Variants in DENND4A observed in about 807,000 individuals in gnomAD.
DENND4A encodes the protein DENN domain containing 4A, also known as C-myc promoter-binding protein.
A neutral mutation model predicts 199.3 loss-of-function variants in DENND4A; 70 were observed. That is an observed-to-expected ratio of 0.35 (90% CI 0.29 to 0.43). The LOEUF is 0.43. Ranked by LOEUF, DENND4A falls within the 20% of genes least tolerant of loss-of-function variation. DENND4A has a pLI of 1.00. For synonymous variants in DENND4A, 686 were observed against 766.9 expected (o/e 0.89, Z 1.74); for missense variants, 1,723 against 2,255.8 (o/e 0.76, Z 4.78).
chr15:65,734,496 C>T (rs1398136588), intron 7 of DENND4A, among the ~76,000 whole-genome samples: 7 of 152,130 alleles, frequency 4.6e-5, no homozygotes, highest in Non-Finnish European at 7.4e-5. Context: ...ATATGCTGAA[C>T]GCTGGTTCCC....
At chr15:65,767,650 A>G (rs2077021328) in intron 1 of DENND4A, among the ~76,000 whole-genome samples, 1 of 152,220 alleles carries the variant, frequency 6.6e-6, no homozygotes, top group African/African-American at 2.4e-5. Flanking sequence ...ATTATCGAGT[A>G]CCATGGGATG....
At chr15:65,782,643 T>C (rs1458920364) in intron 1 of DENND4A, among the ~76,000 whole-genome samples, 1 of 151,738 alleles carries the variant, frequency 6.6e-6, no homozygotes, top group African/African-American at 2.4e-5. Flanking sequence ...CACATACACA[T>C]ACCCTGAAAA....
chr15:65,745,116 A>C (rs535149743), intron 4 of DENND4A, among the ~76,000 whole-genome samples: 2 of 152,338 alleles, frequency 1.3e-5, no homozygotes, highest in South Asian at 4.1e-4. Flanking sequence ...AAATAGCACT[A>C]TATGATCATT....
At chr15:65,728,515 C>G (rs1414240675) in intron 11 of DENND4A, among the ~76,000 whole-genome samples, 1 of 146,002 alleles carries the variant, frequency 6.8e-6, no homozygotes, top group East Asian at 2.0e-4. Flanking sequence ...CAGAGTTTCA[C>G]TGTTGTTGCC....
At chr15:65,726,753 C>T (rs189324140) in intron 11 of DENND4A, among the ~76,000 whole-genome samples, 9 of 152,018 alleles carry the variant, frequency 5.9e-5, no homozygotes, top group African/African-American at 1.9e-4. Context: ...GCCAGGAGTT[C>T]GAGACCAGCC....
chr15:65,772,496 C>A (rs1479049669), intron 1 of DENND4A, among the ~76,000 whole-genome samples: 1 of 151,912 alleles, frequency 6.6e-6, no homozygotes, highest in Non-Finnish European at 1.5e-5. Context: ...ACCATGACGT[C>A]AGGAGTTTGA....
chr15:65,666,373 AATG>A (rs2076038523), intron 29 of DENND4A, among the ~76,000 whole-genome samples: 1 of 152,188 alleles, frequency 6.6e-6, no homozygotes, highest in Non-Finnish European at 1.5e-5. Flanking sequence ...ATGGCTACTC[AATG>A]ATTAACAAGC....
chr15:65,692,556 C>T (rs60702456), intron 22 of DENND4A, among the ~76,000 whole-genome samples: 121 of 152,206 alleles, frequency 7.9e-4, no homozygotes, highest in African/African-American at 2.8e-3. Flanking sequence ...ATGCAAATGG[C>T]AGGGCAAGAG....
At position 65,665,456 on chromosome 15, in the gene DENND4A, G is replaced by A. The variant is rs779019250; in HGVS notation, c.5248C>T (p.Arg1750Cys). ...TTGCTATCTTCAGACATACAGTGGC[G>A]GGGAATCTGTGTTATACAATAAACA... is the stretch of plus-strand genomic sequence containing the variant. ...EHCNKYSKIP[R>C]HCMSEDSKYV... Residue 1750 changes from arginine to cysteine, a missense_variant, in exon 30 of 33, where the codon CGC (arginine) becomes TGC (cysteine). Around this residue, in one of 6 missense-constraint regions of DENND4A, gnomAD observed 164 missense variants for 280.1 expected, o/e 0.59. Transcript: ENST00000443035. 6.8e-6 allele frequency: 11 copies of A among 1,609,840 alleles called. No homozygotes were observed. Among genetic ancestry groups the A allele is most frequent in the Non-Finnish European group, 9.3e-6 (11 of 1,177,206 alleles).
Position 65,710,926 on chromosome 15 carries a change from G to A in DENND4A, c.1953+4552C>T, listed in dbSNP as rs999123034. Among the ~76,000 whole-genome samples, 4 of 152,176 alleles carry A rather than the reference G, an allele frequency of 2.6e-5. No homozygotes were observed. In the East Asian group the frequency reaches 5.8e-4, roughly 22 times the overall value. On this transcript the variant is annotated intron_variant, in intron 14 of 32. Coordinates refer to ENST00000443035, the MANE Select transcript of DENND4A (RefSeq NM_001320835.1). The stretch of plus-strand genomic sequence containing the variant: ...CATGTTGGCTCCCTAGTGGCTCCCC[G>A]TGGCTTTCTGCCATAACTGTAGGTT...
At chr15:65,791,566 G>A (rs1367846983) in intron 1 of DENND4A, among the ~76,000 whole-genome samples, 9 of 151,956 alleles carry the variant, frequency 5.9e-5, no homozygotes, top group African/African-American at 2.2e-4. Context: ...ACCCTGGGAG[G>A]AAAAGTGGGC....
rs1332577333 is a variant in DENND4A, at chr15:65,709,626, G to A, written c.1954-3402C>T. 5.5e-5 allele frequency among the ~76,000 whole-genome samples: 8 copies of A among 145,176 alleles called. No individual in the cohort carries two copies. In the East Asian group the frequency reaches 1.0e-3, roughly 19 times the overall value. ...GGAGAACTGCTTGAACCCAGGAGAC[G>A]GAGGTTGCGGTGAGCCAAGATCATG... On this transcript the variant is annotated intron_variant, in intron 14 of 32. Coordinates refer to ENST00000443035, the MANE Select transcript of DENND4A (RefSeq NM_001320835.1).
At chr15:65,734,853 G>A (rs2076066700) in intron 7 of DENND4A, among the ~76,000 whole-genome samples, 1 of 152,062 alleles carries the variant, frequency 6.6e-6, no homozygotes, top group Non-Finnish European at 1.5e-5. Flanking sequence ...AGGCTGAGGC[G>A]AGTGAATTGA....
chr15:65,791,453 CA>C (rs1450473004), intron 1 of DENND4A, among the ~76,000 whole-genome samples: 3 of 150,700 alleles, frequency 2.0e-5, no homozygotes, highest in Non-Finnish European at 4.4e-5. Context: ...TCCCTTCCCC[CA>C]CCACACACCC....
At chr15:65,727,396 T>G (rs1279507807) in intron 11 of DENND4A, among the ~76,000 whole-genome samples, 1 of 145,692 alleles carries the variant, frequency 6.9e-6, no homozygotes, top group African/African-American at 2.6e-5. Context: ...GAGCTTACAT[T>G]GAGCTGAGAT....
intron 15 of DENND4A, among the ~76,000 whole-genome samples, chr15:65,704,644 G>A (rs906344397): frequency 2.6e-5 from 4 of 152,220 alleles, no homozygotes; most frequent in Admixed American, 1.3e-4. Context: ...AGGCTGGAGT[G>A]CAGTGGCACG....
chr15:65,783,786 G>A (rs1336570212), intron 1 of DENND4A, among the ~76,000 whole-genome samples: 1 of 152,090 alleles, frequency 6.6e-6, no homozygotes, highest in Non-Finnish European at 1.5e-5. Context: ...AACCATCTAT[G>A]AGTCCATACA....
chr15:65,674,883 G>A (rs1435920421), intron 24 of DENND4A, among the ~76,000 whole-genome samples: 1 of 152,154 alleles, frequency 6.6e-6, no homozygotes, highest in Non-Finnish European at 1.5e-5. Flanking sequence ...CATTGAGGAA[G>A]GAGAAAACGT....
Position 65,792,201 on chromosome 15 carries a change from G to C in DENND4A, c.-293C>G, listed in dbSNP as rs1437544404. ...CCCAGGCCTGCCGTCTCAGTCAGAC[G>C]GGACTCCCCCTCCCCTCGCGGCCGC... On this transcript the variant is annotated 5_prime_UTR_variant, in exon 1 of 33. Transcript: ENST00000443035. The C allele has an allele frequency of 2.2e-5, 3 of 137,674 alleles. No individual in the cohort carries two copies. The highest frequency in any genetic ancestry group is 3.1e-5 in the Non-Finnish European group (2 of 63,792). The allele number at this position is 137,674 out of a possible 1,614,324, so 8.5% of individuals were successfully genotyped here.
Sources: gnomAD v4.1 joint callset for allele counts (sites outside exome capture counted in the v4.1 genomes callset) on GRCh38, gnomAD v4.1.1 for gene constraint, gnomAD v4.1.1 regional missense constraint, MANE v1.5 for transcripts, NCBI Gene and HGNC (gene_info 2026-07-23, HGNC 2026-07-21) for gene names.